LZTFL1: variants seen among roughly 807,000 people sequenced by gnomAD.
LZTFL1 encodes the protein leucine zipper transcription factor like 1.
In LZTFL1, 25 loss-of-function variants were observed where a neutral mutation model predicts 45.9. The ratio of observed to expected loss-of-function variants is 0.54; its 90% CI spans 0.40 to 0.76. The LOEUF (loss-of-function observed/expected upper bound fraction) is 0.76, where lower values mean the gene tolerates loss of function less well. Ranked by LOEUF, LZTFL1 falls within the 30% of genes least tolerant of loss-of-function variation. The pLI is 0.00. For missense variants in LZTFL1, 277 were observed against 331.1 expected, an observed-to-expected ratio of 0.84 and a Z score of 1.27; for synonymous variants, 93 against 117.4, an observed-to-expected ratio of 0.79 and a Z score of 1.35.
Position 45,890,333 on chromosome 3 carries a change from A to ATT in LZTFL1, c.-215+22786_-215+22787insAA, listed in dbSNP as rs1431060696. Among the ~76,000 whole-genome samples, 28 of 72,986 alleles carry ATT rather than the reference A, an allele frequency of 3.8e-4. 5 individuals carry two copies. Among genetic ancestry groups the ATT allele is most frequent in the East Asian group, 1.3e-3 (4 of 3,184 alleles). The allele number at this position is 72,986 out of a possible 152,430, so 47.9% of individuals were successfully genotyped here. ...TATATATATTTATATAAATATATAT[A>ATT]TAACATATATATATAACATATATAT... On this transcript the variant is annotated intron_variant, in intron 2 of 4. Transcript: ENST00000472635.
Position 45,900,014 on chromosome 3 carries a change from C to T in LZTFL1, c.-215+13106G>A, listed in dbSNP as rs1428156951. On this transcript the variant is annotated intron_variant, in intron 2 of 4. Transcript: ENST00000472635. This position sits in a 1 kb window ranked among gnomAD's most constrained non-coding sequence, Gnocchi z 4.7. ...GCATGAGTGTTGGCATGTTTGTGTA[C>T]GAGAGCATGTGCAAGTGCATGTATT... Among the ~76,000 whole-genome samples the T allele has an allele frequency of 6.6e-6, 1 of 152,036 alleles. No individual in the cohort carries two copies. The highest frequency in any genetic ancestry group is 1.5e-5 in the Non-Finnish European group (1 of 68,016).
At chr3:45,843,801 G>T (rs925777797), upstream of LZTFL1, among the ~76,000 whole-genome samples, 7 of 152,188 alleles carry the variant, frequency 4.6e-5, no homozygotes, top group Non-Finnish European at 8.8e-5. Context: ...AGTCTCAAAA[G>T]TGATGAATTT....
intron 4 of LZTFL1, among the ~76,000 whole-genome samples, chr3:45,847,422 G>A (rs1372810539): frequency 6.6e-6 from 1 of 152,152 alleles, no homozygotes; most frequent in African/African-American, 2.4e-5. Context: ...TGTGCAATGA[G>A]CCTTAAAGGT....
chr3:45,840,540 T>C (rs1048812448), intron 1 of LZTFL1, among the ~76,000 whole-genome samples: 2 of 152,232 alleles, frequency 1.3e-5, no homozygotes, highest in African/African-American at 4.8e-5. Context: ...TGATCAGTCC[T>C]AAAATGGTTA....
intron 1 of LZTFL1, among the ~76,000 whole-genome samples, chr3:45,838,624 C>G (rs957523822): frequency 6.6e-6 from 1 of 152,194 alleles, no homozygotes; most frequent in African/African-American, 2.4e-5. Context: ...TGGAAAGAAC[C>G]ACTAACTGGT....
intron 2 of LZTFL1, among the ~76,000 whole-genome samples, chr3:45,836,189 G>C (rs1700961725): frequency 6.6e-6 from 1 of 152,014 alleles, no homozygotes; most frequent in African/African-American, 2.4e-5. Flanking sequence ...ATAACTGTAT[G>C]AACTATTCAC....
chr3:45,890,896 A>G (rs578232996), intron 2 of LZTFL1, among the ~76,000 whole-genome samples: 1 of 152,364 alleles, frequency 6.6e-6, no homozygotes, highest in Admixed American at 6.5e-5. Context: ...TTTAATGATG[A>G]AAGAAATGTT....
At chr3:45,871,615 T>G (rs1471193389) in intron 2 of LZTFL1, among the ~76,000 whole-genome samples, 1 of 152,118 alleles carries the variant, frequency 6.6e-6, no homozygotes, top group Non-Finnish European at 1.5e-5. Context: ...TTTCAGAAAG[T>G]CATAAAAGCA....
At position 45,900,229 on chromosome 3, in the gene LZTFL1, G is replaced by A. The variant is rs1331975776; in HGVS notation, c.-215+12891C>T. On this transcript the variant is annotated intron_variant, in intron 2 of 4. Transcript: ENST00000472635. The surrounding 1 kb of genome is among the most constrained non-coding windows in gnomAD (Gnocchi z 4.7). The stretch of plus-strand genomic sequence containing the variant: ...AACTATAGAGCAGGTCATGGTGCTT[G>A]TGTGTGTATGTAGGGTTGAGAGTGT... 6.6e-6 allele frequency among the ~76,000 whole-genome samples: 1 copy of A among 152,112 alleles called. No individual in the cohort carries two copies. Among genetic ancestry groups the A allele is most frequent in the Admixed American group, 6.5e-5 (1 of 15,268 alleles).
chr3:45,864,065 CTA>C (rs889724924), intron 2 of LZTFL1, among the ~76,000 whole-genome samples: 1 of 152,116 alleles, frequency 6.6e-6, no homozygotes, highest in Non-Finnish European at 1.5e-5. Flanking sequence ...CAGCTGGACA[CTA>C]TGTGGGAGAC....
chr3:45,827,973 G>T (rs187141935), intron 8 of LZTFL1, among the ~76,000 whole-genome samples: 3 of 152,142 alleles, frequency 2.0e-5, no homozygotes, highest in Non-Finnish European at 4.4e-5. Flanking sequence ...AAAGTGCTGG[G>T]ATTACAGGCA....
At chr3:45,874,603 T>C (rs1391177733) in intron 2 of LZTFL1, among the ~76,000 whole-genome samples, 1 of 152,158 alleles carries the variant, frequency 6.6e-6, no homozygotes, top group Non-Finnish European at 1.5e-5. Context: ...TCTATCACAT[T>C]ACCCTGTAGG....
At chr3:45,886,200 C>A (rs1045968089) in intron 2 of LZTFL1, among the ~76,000 whole-genome samples, 1 of 152,056 alleles carries the variant, frequency 6.6e-6, no homozygotes, top group Non-Finnish European at 1.5e-5. Context: ...CAGGTGACAC[C>A]ACCTAAAGAA....
chr3:45,847,330 T>C (rs896805248), intron 4 of LZTFL1, among the ~76,000 whole-genome samples: 2 of 152,196 alleles, frequency 1.3e-5, no homozygotes, highest in African/African-American at 4.8e-5. Context: ...TGCAGTGGTG[T>C]GTAATCTTTC....
At chr3:45,884,588 G>A (rs980873658) in intron 2 of LZTFL1, among the ~76,000 whole-genome samples, 2 of 152,082 alleles carry the variant, frequency 1.3e-5, no homozygotes, top group African/African-American at 4.8e-5. Context: ...CTGACGGCCA[G>A]CCTCACCTTC....
chr3:45,868,122 T>C (rs1157937745), intron 2 of LZTFL1, among the ~76,000 whole-genome samples: 2 of 148,344 alleles, frequency 1.3e-5, no homozygotes, highest in Non-Finnish European at 3.0e-5. Context: ...TGTATACATA[T>C]GTAACAAACC....
At chr3:45,845,637 A>G (rs1361362759), upstream of LZTFL1, among the ~76,000 whole-genome samples, 3 of 152,250 alleles carry the variant, frequency 2.0e-5, no homozygotes, top group Non-Finnish European at 4.4e-5. Context: ...AGCACCTTTA[A>G]GAGTGTCTTA....
At chr3:45,908,159 T>C (rs887733738) in intron 2 of LZTFL1, among the ~76,000 whole-genome samples, 3 of 151,942 alleles carry the variant, frequency 2.0e-5, no homozygotes, top group Non-Finnish European at 4.4e-5. Flanking sequence ...GCTTGAACAG[T>C]GGAATTTGGT....
At chr3:45,903,819 G>A (rs1279506167) in intron 2 of LZTFL1, among the ~76,000 whole-genome samples, 1 of 152,194 alleles carries the variant, frequency 6.6e-6, no homozygotes, top group Non-Finnish European at 1.5e-5. Context: ...TAGTTAAAGG[G>A]AGGATAACTT....
Sources: gnomAD v4.1 joint callset for allele counts (sites outside exome capture counted in the v4.1 genomes callset) on GRCh38, gnomAD v4.1.1 for gene constraint, Gnocchi (gnomAD v3.1) non-coding constraint, MANE v1.5 for transcripts, NCBI Gene and HGNC (gene_info 2026-07-23, HGNC 2026-07-21) for gene names.